The following LRRIQ3 variants were observed in gnomAD, a reference collection of about 807,000 sequenced individuals.
The protein encoded by LRRIQ3 is leucine-rich repeat and IQ domain-containing protein 3.
In LRRIQ3, 75 loss-of-function variants were observed where a neutral mutation model predicts 59.3. That is an observed-to-expected ratio of 1.26 (90% confidence interval 1.05 to 1.53). LRRIQ3 has a LOEUF of 1.53. Ranked by LOEUF, LRRIQ3 falls within the 40% of genes most tolerant of loss-of-function variation. The pLI is 0.00. For missense variants in LRRIQ3, 831 were observed against 710.0 expected (o/e 1.17, Z -1.94); for synonymous variants, 250 against 231.3 (o/e 1.08, Z -0.73).
At chr1:74,188,007 T>C (rs563052680) in intron 1 of LRRIQ3, among the ~76,000 whole-genome samples, 5 of 152,162 alleles carry the variant, frequency 3.3e-5, no homozygotes, top group Admixed American at 6.5e-5. Flanking sequence ...AGCAAACACA[T>C]GGAATCAACC....
chr1:74,190,605 G>A (rs957965998), intron 1 of LRRIQ3, among the ~76,000 whole-genome samples: 9 of 151,620 alleles, frequency 5.9e-5, no homozygotes, highest in Admixed American at 2.0e-4. Context: ...AAACAATAAT[G>A]AATGACAATT....
chr1:74,043,338 G>A (rs1402095051), intron 6 of LRRIQ3, among the ~76,000 whole-genome samples: 1 of 152,072 alleles, frequency 6.6e-6, no homozygotes, highest in Admixed American at 6.6e-5. Flanking sequence ...GATGCTGGTG[G>A]TTTTATGGAA....
chr1:74,134,128 G>C (rs1647077967), intron 4 of LRRIQ3, among the ~76,000 whole-genome samples: 1 of 151,996 alleles, frequency 6.6e-6, no homozygotes, highest in Admixed American at 6.6e-5. Context: ...GAGGTCTTCT[G>C]TAATGGCTGA....
chr1:74,052,508 C>T (rs921361836), intron 6 of LRRIQ3, among the ~76,000 whole-genome samples: 3 of 147,410 alleles, frequency 2.0e-5, no homozygotes, highest in Non-Finnish European at 4.4e-5. Flanking sequence ...TTTAGTTGTT[C>T]TTCTTATATC....
chr1:74,143,918 G>T (rs1434144352), intron 4 of LRRIQ3, among the ~76,000 whole-genome samples: 1 of 151,684 alleles, frequency 6.6e-6, no homozygotes, highest in Non-Finnish European at 1.5e-5. Flanking sequence ...AATTTTAAAT[G>T]AGACTAATCA....
intron 4 of LRRIQ3, among the ~76,000 whole-genome samples, chr1:74,132,925 G>A (rs544341611): frequency 2.0e-5 from 3 of 152,118 alleles, no homozygotes; most frequent in Admixed American, 6.5e-5. Flanking sequence ...GAATGAACAG[G>A]CAACCTACAG....
At chr1:74,148,042 T>A (rs945872708) in intron 4 of LRRIQ3, among the ~76,000 whole-genome samples, 16 of 152,310 alleles carry the variant, frequency 1.1e-4, no homozygotes, top group South Asian at 1.0e-3. Context: ...ATTAAAAAAA[T>A]TTTTCAGCCA....
Position 74,063,121 on chromosome 1 carries a change from AAAC to A in LRRIQ3, c.997+11537_997+11539del, listed in dbSNP as rs1012702321. 3.0e-3 allele frequency among the ~76,000 whole-genome samples: 447 copies of A among 151,102 alleles called. 3 individuals are homozygous for A. Among genetic ancestry groups the A allele is most frequent in the African/African-American group, 9.2e-3 (381 of 41,238 alleles). On this transcript the variant is annotated intron_variant, in intron 6 of 7. Transcript: ENST00000354431. ...AAACAAAACAAAAAACCCCAAAACC[AAAC>A]AACAACAACAACAACAACAACAACA...
intron 7 of LRRIQ3, among the ~76,000 whole-genome samples, chr1:74,035,842 T>C (rs1383266752): frequency 6.6e-6 from 1 of 152,128 alleles, no homozygotes; most frequent in Non-Finnish European, 1.5e-5. Context: ...CCCCTAGCTT[T>C]ACCTATTTTG....
chr1:74,075,266 CAT>C (rs1452483218), intron 5 of LRRIQ3, among the ~76,000 whole-genome samples: 1 of 151,980 alleles, frequency 6.6e-6, no homozygotes, highest in African/African-American at 2.4e-5. Context: ...AATTATCACA[CAT>C]GTTAAAACTA....
intron 6 of LRRIQ3, among the ~76,000 whole-genome samples, chr1:74,061,588 T>G (rs1435973430): frequency 6.6e-6 from 1 of 152,030 alleles, no homozygotes; most frequent in African/African-American, 2.4e-5. Flanking sequence ...TTATACCATA[T>G]AGAAAAATCA....
At chr1:74,055,971 C>T (rs1654521445) in intron 6 of LRRIQ3, among the ~76,000 whole-genome samples, 2 of 151,712 alleles carry the variant, frequency 1.3e-5, no homozygotes, top group Admixed American at 1.3e-4. Context: ...GGAGAAAGCC[C>T]GTCTCTACTA....
chr1:74,153,146 G>C (rs1257061132), intron 4 of LRRIQ3, among the ~76,000 whole-genome samples: 3 of 151,886 alleles, frequency 2.0e-5, no homozygotes, highest in African/African-American at 7.3e-5. Context: ...TCCTCCCCAT[G>C]ATCTCAGTAT....
intron 6 of LRRIQ3, among the ~76,000 whole-genome samples, chr1:74,071,547 C>T (rs1485215744): frequency 6.6e-6 from 1 of 152,062 alleles, no homozygotes; most frequent in African/African-American, 2.4e-5. Context: ...AGAAAGCTAC[C>T]CTTGATGTCC....
At chr1:74,136,870 C>G (rs1322813076) in intron 4 of LRRIQ3, among the ~76,000 whole-genome samples, 1 of 151,950 alleles carries the variant, frequency 6.6e-6, no homozygotes, top group Non-Finnish European at 1.5e-5. Context: ...AAACCATAAA[C>G]AGTTTAAGTA....
chr1:74,061,850 C>T (rs1654730346), intron 6 of LRRIQ3, among the ~76,000 whole-genome samples: 1 of 152,038 alleles, frequency 6.6e-6, no homozygotes, highest in African/African-American at 2.4e-5. Context: ...GGCTGCATAA[C>T]TTAGTGAGAC....
At chr1:74,129,491 C>T (rs1436976168) in intron 4 of LRRIQ3, among the ~76,000 whole-genome samples, 3 of 151,988 alleles carry the variant, frequency 2.0e-5, no homozygotes, top group Non-Finnish European at 4.4e-5. Context: ...AAGTGAGCTC[C>T]CCTCTGGACC....
Position 74,183,440 on chromosome 1 carries a change from T to C in LRRIQ3, c.245A>G (p.Asn82Ser). 6.4e-7 allele frequency: 1 copy of C among 1,573,004 alleles called. No individual in the cohort carries two copies. Among genetic ancestry groups the C allele is most frequent in the Non-Finnish European group, 8.6e-7 (1 of 1,160,454 alleles). ...TCTGAAATGGCTATTGCTTACCTGATTTCCATGGAGATCAAGTTTGATTAA... is the reference window on the plus strand; with the variant it reads ...TCTGAAATGGCTATTGCTTACCTGACTTCCATGGAGATCAAGTTTGATTAA... ...IKLIKLDLHGNQIKSLPNTKF... is the reference protein window; with the variant it reads ...IKLIKLDLHGSQIKSLPNTKF... The change falls in exon 2 of 8, where the codon AAT (asparagine) becomes AGT (serine). Residue 82 changes from asparagine to serine, a missense_variant. Physicochemically the swap from Asn to Ser is conservative, Grantham distance 46 (BLOSUM62 1). Transcript: ENST00000354431.
intron 4 of LRRIQ3, among the ~76,000 whole-genome samples, chr1:74,154,581 T>C (rs1266178968): frequency 6.6e-6 from 1 of 152,190 alleles, no homozygotes; most frequent in Admixed American, 6.5e-5. Flanking sequence ...TATCTCATGT[T>C]ACATGAGCGT....
Sources: gnomAD v4.1 joint callset for allele counts (sites outside exome capture counted in the v4.1 genomes callset) on GRCh38, gnomAD v4.1.1 for gene constraint, MANE v1.5 for transcripts, NCBI Gene and HGNC (gene_info 2026-07-23, HGNC 2026-07-21) for gene names.